MTO1: variants seen among roughly 807,000 people sequenced by gnomAD.
MTO1 encodes the protein 5-taurinomethyluridine-[tRNA] synthase subunit MTO1, mitochondrial.
Under a neutral mutation model 71.6 loss-of-function variants are expected in MTO1, and 46 were observed. The ratio of observed to expected loss-of-function variants is 0.64; its 90% CI spans 0.51 to 0.82. The LOEUF is 0.82. MTO1 is among the 40% of genes least tolerant of loss of function. The pLI is 0.00. For missense variants in MTO1, 773 were observed against 867.5 expected (o/e 0.89, Z 1.37); for synonymous variants, 297 against 312.1 (o/e 0.95, Z 0.51).
chr6:73,462,202 C>A, intron 1 of MTO1, 131 bp downstream of exon 1: 1 of 1,001,164 alleles, frequency 1.0e-6, no homozygotes, highest in Non-Finnish European at 1.5e-6. Flanking sequence ...GTGGTTTTAG[C>A]CTCGATCAGT....
At chr6:73,464,959 A>T (rs1220353136) in intron 1 of MTO1, among the ~76,000 whole-genome samples, 1 of 152,046 alleles carries the variant, frequency 6.6e-6, no homozygotes, top group East Asian at 1.9e-4. Context: ...TTTTGAGGTA[A>T]CCACATGGGT....
At chr6:73,486,427 A>G (rs1771655029) in intron 9 of MTO1, among the ~76,000 whole-genome samples, 1 of 98,954 alleles carries the variant, frequency 1.0e-5, no homozygotes. Context: ...CTCTGTTTCT[A>G]TGGATTTGAC....
chr6:73,494,621 C>T (rs1389005913), intron 10 of MTO1, among the ~76,000 whole-genome samples: 3 of 151,862 alleles, frequency 2.0e-5, no homozygotes, highest in Non-Finnish European at 2.9e-5. Context: ...TGAGTACAGG[C>T]ATGCACCACC....
At chr6:73,499,723 C>A (rs1772101912) in intron 11 of MTO1, among the ~76,000 whole-genome samples, 1 of 152,122 alleles carries the variant, frequency 6.6e-6, no homozygotes, top group African/African-American at 2.4e-5. Context: ...GAGTTCAGAA[C>A]TCCTTGCCCA....
intron 9 of MTO1, among the ~76,000 whole-genome samples, chr6:73,482,874 C>T (rs1338122925): frequency 1.4e-5 from 2 of 141,414 alleles, no homozygotes; most frequent in East Asian, 2.1e-4. Context: ...TCACTGCAAG[C>T]TCCGCCTCCC....
rs1488230416 is a variant in MTO1 at position 73,506,518 on chromosome 6, C to G, written c.*5783C>G. 1 of 157,938 alleles carries G rather than the reference C, an allele frequency of 6.3e-6. No individual in the cohort carries two copies. Among genetic ancestry groups the G allele is most frequent in the Non-Finnish European group, 1.4e-5 (1 of 72,800 alleles). The allele number at this position is 157,938 out of a possible 1,614,324, so 9.8% of individuals were successfully genotyped here. ...TCTTCCTCATTTTCTCTTGCCACTC[C>G]CATGTAAGAAGTGCCTTTCGCCTCC... On this transcript the variant is annotated 3_prime_UTR_variant, in exon 12 of 12. Coordinates refer to ENST00000498286, the MANE Select transcript of MTO1 (RefSeq NM_012123.4).
chr6:73,463,543 A>T (rs1770888536), intron 1 of MTO1, among the ~76,000 whole-genome samples: 1 of 152,146 alleles, frequency 6.6e-6, no homozygotes, highest in African/African-American at 2.4e-5. Flanking sequence ...AGTAATTAGA[A>T]TATTTACTTG....
chr6:73,467,173 G>A (rs1401610459), intron 3 of MTO1, among the ~76,000 whole-genome samples: 3 of 152,026 alleles, frequency 2.0e-5, no homozygotes, highest in Non-Finnish European at 4.4e-5. Context: ...AAATTAGCCG[G>A]TGTGGTAGCA....
chr6:73,469,939 G>A (rs998003513), intron 3 of MTO1, among the ~76,000 whole-genome samples: 7 of 150,988 alleles, frequency 4.6e-5, no homozygotes, highest in African/African-American at 1.5e-4. Context: ...CTGGAGGTGC[G>A]GGTTGTGGTA....
intron 10 of MTO1, among the ~76,000 whole-genome samples, chr6:73,497,388 A>G (rs1342744441): frequency 6.6e-6 from 1 of 151,936 alleles, no homozygotes; most frequent in Non-Finnish European, 1.5e-5. Flanking sequence ...TCTTGAGCTC[A>G]GACTATCCAC....
intron 3 of MTO1, among the ~76,000 whole-genome samples, chr6:73,468,262 C>T (rs745627145): frequency 1.6e-4 from 24 of 151,776 alleles, no homozygotes; most frequent in African/African-American, 5.3e-4. Flanking sequence ...GGGTTACAGG[C>T]GACTGCCACC....
At chr6:73,471,164 A>G (rs544410130) in intron 3 of MTO1, among the ~76,000 whole-genome samples, 31 of 150,606 alleles carry the variant, frequency 2.1e-4, no homozygotes, top group Non-Finnish European at 3.1e-4. Context: ...TTTTTTTAAA[A>G]AAAAAACTTA....
At position 73,480,682 on chromosome 6, in the gene MTO1, T is replaced by G; in HGVS notation, c.1137T>G (p.Gly379=). 1 of 1,613,914 alleles carries G rather than the reference T, an allele frequency of 6.2e-7. No individual in the cohort carries two copies. The highest frequency in any genetic ancestry group is 1.1e-5 in the South Asian group (1 of 91,076). ...EKAKVIQPGY[G]VQYDYLDPRQ... ...TCTTTGTTCTTTGGTCAGGCTACGG[T>G]GTTCAGTATGATTACTTAGATCCCC... The change falls in exon 7 of 12, where the codon GGT becomes GGG. Residue 379 remains glycine (G), a synonymous_variant. Transcript: ENST00000498286.
At chr6:73,464,170 A>G (rs1267011825) in intron 1 of MTO1, 4 of 152,208 alleles carry the variant, frequency 2.6e-5, no homozygotes, top group Admixed American at 6.6e-5. Flanking sequence ...GAAGTGTTCC[A>G]TATTTTTAAA....
chr6:73,480,662 G>A lies in MTO1; in HGVS notation c.1130-13G>A. On this transcript the variant is annotated splice_polypyrimidine_tract_variant and intron_variant, in intron 6 of 11. Coordinates refer to ENST00000498286, the MANE Select transcript of MTO1 (RefSeq NM_012123.4). The stretch of plus-strand genomic sequence containing the variant: ...CTGTATTTACTTATTTAATGTCTTT[G>A]TTCTTTGGTCAGGCTACGGTGTTCA... The A allele has an allele frequency of 1.2e-6, 2 of 1,613,266 alleles. No homozygotes were observed. Among genetic ancestry groups the A allele is most frequent in the Non-Finnish European group, 1.7e-6 (2 of 1,179,514 alleles).
At chr6:73,466,122 A>T (rs987364877) in intron 1 of MTO1, 87 bp from the exon 2 acceptor site, 1 of 1,129,616 alleles carries the variant, frequency 8.9e-7, no homozygotes, top group East Asian at 2.3e-5. Context: ...AGATGATTAT[A>T]GTCACCTGTA....
At chr6:73,489,785 A>C (rs1389275284) in intron 9 of MTO1, among the ~76,000 whole-genome samples, 2 of 152,168 alleles carry the variant, frequency 1.3e-5, no homozygotes, top group Non-Finnish European at 2.9e-5. Flanking sequence ...CATGATTTAT[A>C]ATCCTTTGCG....
chr6:73,508,429 A>G lies in MTO1; in HGVS notation c.*7694A>G, dbSNP rs1006562502. On this transcript the variant is annotated 3_prime_UTR_variant, in exon 12 of 12. Transcript: ENST00000498286. ...ACAGTAAATTAAGATACATAAAAAA[A>G]AACACTGGCTAAATTTAAAAGGAAA... 1.3e-5 allele frequency: 2 copies of G among 152,226 alleles called. No individual in the cohort carries two copies. The highest frequency in any genetic ancestry group is 2.9e-5 in the Non-Finnish European group (2 of 68,036). The allele number at this position is 152,226 out of a possible 1,614,324, so 9.4% of individuals were successfully genotyped here.
Position 73,509,051 on chromosome 6 carries a change from A to G in MTO1, c.*8316A>G, listed in dbSNP as rs543869695. 1.3e-3 allele frequency: 195 copies of G among 152,346 alleles called. 1 individual carries two copies. Among genetic ancestry groups the G allele is most frequent in the African/African-American group, 4.5e-3 (188 of 41,584 alleles). The allele number at this position is 152,346 out of a possible 1,614,324, so 9.4% of individuals were successfully genotyped here. A position where few individuals can be genotyped will look rare whatever the true frequency, so the allele number is the denominator to read the frequency against. On this transcript the variant is annotated 3_prime_UTR_variant, in exon 12 of 12. Transcript: ENST00000498286. ...TAGAAGTCAAACTCAAATTGCTTAC[A>G]TGGTAACTTGGTTTATCCCAACACC...
Sources: allele counts gnomAD v4.1 joint callset (sites outside exome capture counted in the v4.1 genomes callset), GRCh38; gene constraint gnomAD v4.1.1; transcripts MANE v1.5; gene names NCBI Gene and HGNC (gene_info 2026-07-23, HGNC 2026-07-21).